CNTLN: variants seen among roughly 807,000 people sequenced by gnomAD.
CNTLN encodes centlein, centrosomal protein.
Under a neutral mutation model 180.0 loss-of-function variants are expected in CNTLN, and 212 were observed. The observed-to-expected ratio is 1.18, with a 90% confidence interval of 1.05 to 1.32. The LOEUF is 1.32. Among genes scored for constraint, CNTLN ranks in the 40% most tolerant of loss-of-function variants. CNTLN has a pLI of 0.00. For synonymous variants in CNTLN, 722 were observed against 563.1 expected (o/e 1.28, Z -3.99); for missense variants, 2,095 against 1,610.9 (o/e 1.30, Z -5.14).
intron 7 of CNTLN, chr9:17,300,895 C>G: frequency 1.2e-6 from 1 of 818,670 alleles, no homozygotes; most frequent in Non-Finnish European, 1.5e-6. Context: ...GAAAGCTTTC[C>G]TGCCCAGTTA....
intron 7 of CNTLN, among the ~76,000 whole-genome samples, chr9:17,303,721 T>C (rs1211373813): frequency 2.0e-5 from 3 of 152,152 alleles, no homozygotes; most frequent in African/African-American, 7.2e-5. Context: ...CTTTATTCCT[T>C]GTCTACACAT....
At chr9:17,422,286 C>A (rs1828776763) in intron 18 of CNTLN, among the ~76,000 whole-genome samples, 1 of 151,926 alleles carries the variant, frequency 6.6e-6, no homozygotes, top group Non-Finnish European at 1.5e-5. Context: ...TATTTATTTT[C>A]TTTTTCTGCT....
intron 12 of CNTLN, among the ~76,000 whole-genome samples, chr9:17,361,048 T>G (rs1455858062): frequency 6.6e-6 from 1 of 152,020 alleles, no homozygotes; most frequent in East Asian, 1.9e-4. Context: ...ATATCTTCAG[T>G]TTTTTTTCCA....
At chr9:17,513,938 GAAT>G in the CNTLN span, among the ~76,000 whole-genome samples, 1 of 152,130 alleles carries the variant, frequency 6.6e-6, no homozygotes, top group African/African-American at 2.4e-5. Context: ...AATTGTGAAA[GAAT>G]AGGTACAGGT....
intron 18 of CNTLN, among the ~76,000 whole-genome samples, chr9:17,453,143 AT>A (rs1240515689): frequency 6.6e-6 from 1 of 151,968 alleles, no homozygotes; most frequent in Non-Finnish European, 1.5e-5. Flanking sequence ...AAGATCCCAT[AT>A]CTACAAAAAG....
At chr9:17,383,882 C>A (rs112872056) in intron 13 of CNTLN, among the ~76,000 whole-genome samples, 1 of 152,078 alleles carries the variant, frequency 6.6e-6, no homozygotes, top group African/African-American at 2.4e-5. Context: ...TCGTGATCTG[C>A]CTGTCTCGGC....
At chr9:17,332,386 G>A (rs771597007) in intron 9 of CNTLN, among the ~76,000 whole-genome samples, 4 of 151,982 alleles carry the variant, frequency 2.6e-5, no homozygotes, top group Admixed American at 6.6e-5. Flanking sequence ...AAGAAACAAT[G>A]TAAATGTAAA....
At chr9:17,384,530 T>C (rs1825539658) in intron 13 of CNTLN, among the ~76,000 whole-genome samples, 1 of 152,112 alleles carries the variant, frequency 6.6e-6, no homozygotes, top group African/African-American at 2.4e-5. Context: ...TATCAAGTGA[T>C]TGAAATTCTC....
chr9:17,402,472 C>A (rs1482684621), intron 15 of CNTLN, among the ~76,000 whole-genome samples: 1 of 151,826 alleles, frequency 6.6e-6, no homozygotes, highest in Non-Finnish European at 1.5e-5. Context: ...GGGGATGACA[C>A]TGTGAAAAGA....
chr9:17,469,075 C>T (rs1283205704), intron 23 of CNTLN, among the ~76,000 whole-genome samples: 1 of 151,702 alleles, frequency 6.6e-6, no homozygotes. Flanking sequence ...CCTGTTTCTA[C>T]TGCATTTAAA....
At chr9:17,160,246 G>A in intron 2 of CNTLN, among the ~76,000 whole-genome samples, 1 of 151,994 alleles carries the variant, frequency 6.6e-6, no homozygotes, top group Non-Finnish European at 1.5e-5. Flanking sequence ...AACTCTAAGG[G>A]CCATTTTATA....
chr9:17,293,556 C>G (rs746851904), intron 6 of CNTLN, among the ~76,000 whole-genome samples: 1 of 152,224 alleles, frequency 6.6e-6, no homozygotes, highest in Non-Finnish European at 1.5e-5. Context: ...TGGCCATGAT[C>G]TGCCATAGCC....
At chr9:17,285,351 T>G (rs62558326) in intron 6 of CNTLN, among the ~76,000 whole-genome samples, 22,462 of 148,330 alleles carry the variant, frequency 0.15, 2,061 homozygotes, top group Middle Eastern at 0.25. Flanking sequence ...TTTTTATGGC[T>G]GCATAGTATT....
intron 23 of CNTLN, among the ~76,000 whole-genome samples, chr9:17,478,202 TG>T (rs1298807442): frequency 6.6e-6 from 1 of 152,234 alleles, no homozygotes; most frequent in Non-Finnish European, 1.5e-5. Flanking sequence ...TTACATTCAC[TG>T]GGAAACCAAA....
At chr9:17,310,698 G>T (rs1330796541) in intron 8 of CNTLN, among the ~76,000 whole-genome samples, 1 of 152,182 alleles carries the variant, frequency 6.6e-6, no homozygotes, top group Non-Finnish European at 1.5e-5. Flanking sequence ...CAATATAAAA[G>T]AGATCTGGTT....
intron 2 of CNTLN, among the ~76,000 whole-genome samples, chr9:17,179,554 T>G (rs1820990081): frequency 6.6e-6 from 1 of 152,218 alleles, no homozygotes; most frequent in African/African-American, 2.4e-5. Flanking sequence ...TTTAAATTCT[T>G]TAAATTTGAC....
At chr9:17,301,428 T>C in intron 7 of CNTLN, 1 of 985,368 alleles carries the variant, frequency 1.0e-6, no homozygotes, top group African/African-American at 1.7e-5. Context: ...GAGAACAAAC[T>C]GAGATGTGCT....
intron 23 of CNTLN, among the ~76,000 whole-genome samples, chr9:17,468,885 A>G (rs6475148): frequency 0.034 from 5,098 of 151,828 alleles, 240 homozygotes; most frequent in African/African-American, 0.096. Flanking sequence ...AGCAACAGTG[A>G]TATTGAGTAG....
intron 23 of CNTLN, among the ~76,000 whole-genome samples, chr9:17,482,476 T>C (rs1288852793): frequency 2.6e-5 from 4 of 152,304 alleles, no homozygotes; most frequent in East Asian, 1.9e-4. Flanking sequence ...AGGAATACCA[T>C]GTTCTTTGAT....
Sources: gnomAD v4.1 joint callset for allele counts (sites outside exome capture counted in the v4.1 genomes callset) on GRCh38, gnomAD v4.1.1 for gene constraint, MANE v1.5 for transcripts, NCBI Gene and HGNC (gene_info 2026-07-23, HGNC 2026-07-21) for gene names.